CHEK2: variants seen among roughly 807,000 people sequenced by gnomAD.
CHEK2 encodes serine/threonine-protein kinase Chk2.
In CHEK2, 71 loss-of-function variants were observed where a neutral mutation model predicts 69.1. The ratio of observed to expected loss-of-function variants is 1.03; its 90% CI spans 0.85 to 1.25. The LOEUF is 1.25. CHEK2 is among the 50% of genes most tolerant of loss of function. The pLI is 0.00. For synonymous variants in CHEK2, 189 were observed against 226.9 expected (o/e 0.83, Z 1.50); for missense variants, 664 against 649.6 (o/e 1.02, Z -0.24).
At position 28,711,995 on chromosome 22, in the gene CHEK2, G is replaced by C. The variant is rs1060502694; in HGVS notation, c.706C>G (p.Leu236Val). The part of the protein sequence containing the change: ...LGSGACGEVK[L>V]AFERKTCKKV... ...TTACATGTTTTCCTCTCGAAAGCCAGCTTTACCTCTCCACAGGCACCACTA... is the reference window on the plus strand; with the variant it reads ...TTACATGTTTTCCTCTCGAAAGCCACCTTTACCTCTCCACAGGCACCACTA... Residue 236 changes from leucine to valine, a missense_variant, in exon 6 of 15, where the codon CTG becomes GTG. Coordinates refer to ENST00000404276, the MANE Select transcript of CHEK2 (RefSeq NM_007194.4). The C allele has an allele frequency of 6.2e-7, 1 of 1,612,912 alleles. No homozygotes were observed. Among genetic ancestry groups the C allele is most frequent in the African/African-American group, 1.3e-5 (1 of 74,686 alleles).
At chr22:28,741,600 A>G (rs1013655924) in intron 1 of CHEK2, among the ~76,000 whole-genome samples, 169 bp downstream of exon 1, 1 of 152,118 alleles carries the variant, frequency 6.6e-6, no homozygotes, top group Admixed American at 6.6e-5. Flanking sequence ...ACGGGAAGTG[A>G]ACTTCACCTC....
At chr22:28,690,418 CG>C (rs1475258512) in intron 13 of CHEK2, among the ~76,000 whole-genome samples, 4 of 151,728 alleles carry the variant, frequency 2.6e-5, no homozygotes, top group African/African-American at 4.8e-5. Flanking sequence ...CGCCTGAGGT[CG>C]GAAGTTTGAG....
At chr22:28,717,268 C>CT in intron 5 of CHEK2, among the ~76,000 whole-genome samples, 1 of 152,170 alleles carries the variant, frequency 6.6e-6, no homozygotes, top group Admixed American at 6.5e-5. Flanking sequence ...GTCCCAGCTA[C>CT]TTGGGTGACT....
intron 5 of CHEK2, among the ~76,000 whole-genome samples, chr22:28,718,422 C>G (rs1193239411): frequency 1.3e-5 from 2 of 152,086 alleles, no homozygotes; most frequent in East Asian, 3.9e-4. Flanking sequence ...AATCCCACTT[C>G]TGGATATATA....
chr22:28,713,365 T>C (rs575570544), intron 5 of CHEK2, among the ~76,000 whole-genome samples: 29 of 150,898 alleles, frequency 1.9e-4, no homozygotes, highest in Admixed American at 1.6e-3. Flanking sequence ...AAGTTTTCTT[T>C]TTTTTTTTTT....
chr22:28,728,918 C>A (rs1326910690), intron 2 of CHEK2, among the ~76,000 whole-genome samples: 2 of 151,616 alleles, frequency 1.3e-5, no homozygotes, highest in African/African-American at 2.4e-5. Flanking sequence ...GTCAAGCCTG[C>A]AGTGAAACGT....
intron 1 of CHEK2, among the ~76,000 whole-genome samples, chr22:28,739,779 G>C (rs2054505975): frequency 6.6e-6 from 1 of 152,112 alleles, no homozygotes; most frequent in African/African-American, 2.4e-5. Context: ...AACAGATGCT[G>C]GAAAGAATGT....
At chr22:28,700,716 G>A (rs1263319550) in intron 8 of CHEK2, among the ~76,000 whole-genome samples, 2 of 152,120 alleles carry the variant, frequency 1.3e-5, no homozygotes, top group East Asian at 1.9e-4. Context: ...TACCTTGATG[G>A]TTGTTATAAA....
chr22:28,711,417 A>T (rs1298129789), intron 6 of CHEK2, among the ~76,000 whole-genome samples: 1 of 152,170 alleles, frequency 6.6e-6, no homozygotes, highest in Non-Finnish European at 1.5e-5. Flanking sequence ...GTCATCAAAA[A>T]GGATGTATTA....
intron 14 of CHEK2, among the ~76,000 whole-genome samples, chr22:28,688,864 T>C (rs1421788059): frequency 1.3e-5 from 2 of 152,222 alleles, no homozygotes; most frequent in African/African-American, 4.8e-5. Context: ...GAGCCTCTAA[T>C]AGAGTCTTTC....
intron 10 of CHEK2, 152 bp from the exon 11 acceptor site, chr22:28,696,025 T>C (rs1347881423): frequency 1.3e-5 from 9 of 686,542 alleles, no homozygotes; most frequent in Non-Finnish European, 1.5e-5. Flanking sequence ...GATTCATGTC[T>C]TTGCAAGTTA....
intron 7 of CHEK2, among the ~76,000 whole-genome samples, chr22:28,705,478 A>G (rs2053082243): frequency 6.6e-6 from 1 of 152,220 alleles, no homozygotes; most frequent in South Asian, 2.1e-4. Context: ...AGGAAGTACA[A>G]TGCAAATGTT....
rs1555911583 is a variant in CHEK2 at position 28,687,950 on chromosome 22, C to A, written c.1579G>T (p.Ala527Ser). The change falls in exon 15 of 15, where the codon GCC becomes TCC. Residue 527 changes from alanine to serine, a missense_variant. Ala to Ser is a moderately conservative substitution (Grantham distance 99). Transcript: ENST00000404276. ...TSRKRPREGEAEGAETTKRPA... is the reference protein window; with the variant it reads ...TSRKRPREGESEGAETTKRPA... ...CGCTTTGTGGTCTCGGCACCCTCGGCTTCCCCTTCACGGGGCCGCTTTCGA... is the reference window on the plus strand; with the variant it reads ...CGCTTTGTGGTCTCGGCACCCTCGGATTCCCCTTCACGGGGCCGCTTTCGA... 6.3e-7 allele frequency: 1 copy of A among 1,596,422 alleles called. No individual in the cohort carries two copies.
At chr22:28,699,583 T>G (rs1255374577) in intron 9 of CHEK2, among the ~76,000 whole-genome samples, 1 of 152,034 alleles carries the variant, frequency 6.6e-6, no homozygotes, top group Non-Finnish European at 1.5e-5. Flanking sequence ...CAGGATGGTT[T>G]TGATCTCTTG....
Position 28,695,339 on chromosome 22 carries a change from G to C in CHEK2, c.1260-97C>G. 6.5e-6 allele frequency: 5 copies of C among 775,056 alleles called. No individual in the cohort carries two copies. In the Admixed American group the frequency reaches 8.2e-5, roughly 13 times the overall value. 48.0% of individuals were successfully genotyped at this position (775,056 alleles called of 1,614,324 possible). On this transcript the variant is annotated intron_variant, in intron 11 of 14. Coordinates refer to ENST00000404276, the MANE Select transcript of CHEK2 (RefSeq NM_007194.4). ...TCTTTTTCAGCATAATGAAAAGTCAGATTTTTCTTTAAATCAATGGTCAAA... is the reference window on the plus strand; with the variant it reads ...TCTTTTTCAGCATAATGAAAAGTCACATTTTTCTTTAAATCAATGGTCAAA...
rs1186314539 is a variant in CHEK2, at chr22:28,730,027, T to G, written c.319+4376A>C. ...GCTAATTTTGTTTTTGTATTTTTAG[T>G]AGAGACGGGGTTTCACCATGTTGGC... is the stretch of plus-strand genomic sequence containing the variant. On this transcript the variant is annotated intron_variant, in intron 2 of 14. Coordinates refer to ENST00000404276, the MANE Select transcript of CHEK2 (RefSeq NM_007194.4). Among the ~76,000 whole-genome samples the G allele has an allele frequency of 7.3e-5, 11 of 150,962 alleles. No individual in the cohort carries two copies. The Admixed American group carries it at 7.3e-4, about 10-fold the overall frequency.
chr22:28,707,684 C>G (rs1420957041), intron 7 of CHEK2, among the ~76,000 whole-genome samples: 1 of 152,136 alleles, frequency 6.6e-6, no homozygotes, highest in African/African-American at 2.4e-5. Flanking sequence ...GTTTCTTGTG[C>G]CCTTGTAAAA....
chr22:28,735,410 A>C (rs761173023), intron 1 of CHEK2, among the ~76,000 whole-genome samples: 1 of 151,974 alleles, frequency 6.6e-6, no homozygotes, highest in South Asian at 2.1e-4. Flanking sequence ...CGTTTCAAAA[A>C]AAAAAACTCA....
At chr22:28,694,754 C>T (rs1439340974) in intron 12 of CHEK2, among the ~76,000 whole-genome samples, 5 of 152,188 alleles carry the variant, frequency 3.3e-5, no homozygotes, top group African/African-American at 1.2e-4. Context: ...TCAAAGGAAA[C>T]CTTGTAACTA....
Sources: gnomAD v4.1 joint callset for allele counts (sites outside exome capture counted in the v4.1 genomes callset) on GRCh38, gnomAD v4.1.1 for gene constraint, MANE v1.5 for transcripts, NCBI Gene and HGNC (gene_info 2026-07-23, HGNC 2026-07-21) for gene names.